The following PAAF1 variants were observed in gnomAD, a reference collection of about 807,000 sequenced individuals.
The protein encoded by PAAF1 is proteasomal ATPase-associated factor 1.
A neutral mutation model predicts 52.8 loss-of-function variants in PAAF1; 46 were observed. The ratio of observed to expected loss-of-function variants is 0.87; its 90% CI spans 0.69 to 1.11. PAAF1 has a LOEUF of 1.11. Ranked by LOEUF, PAAF1 falls within the 50% of genes most tolerant of loss-of-function variation. The pLI is 0.00. For synonymous variants in PAAF1, 178 were observed against 172.8 expected (o/e 1.03, Z -0.24); for missense variants, 424 against 477.4 (o/e 0.89, Z 1.04).
Position 73,900,261 on chromosome 11 carries a change from T to G in PAAF1, c.382-9T>G. 1 of 1,584,730 alleles carries G rather than the reference T, an allele frequency of 6.3e-7. No homozygotes were observed. The highest frequency in any genetic ancestry group is 8.6e-7 in the Non-Finnish European group (1 of 1,159,666). ...AGAACTAGCATGGAATTTTCTTTTG[T>G]TTTTCCAGAGAGTATTGGAAGGACA... On this transcript the variant is annotated splice_polypyrimidine_tract_variant and intron_variant, in intron 5 of 11. Coordinates refer to ENST00000310571, the MANE Select transcript of PAAF1 (RefSeq NM_025155.3).
chr11:73,918,060 T>G (rs1015157613), intron 9 of PAAF1, among the ~76,000 whole-genome samples: 1 of 152,074 alleles, frequency 6.6e-6, no homozygotes, highest in African/African-American at 2.4e-5. Flanking sequence ...TGAGAAACAT[T>G]GGGTCTTGTT....
In PAAF1 at chr11:73,889,320, T is replaced by G. The variant is rs893010896; in HGVS notation, c.193-1792T>G. The G allele has an allele frequency of 6.6e-6, 6 of 902,964 alleles. No individual in the cohort carries two copies. The Admixed American group carries it at 1.1e-4, about 16-fold the overall frequency. 55.9% of individuals were successfully genotyped at this position (902,964 alleles called of 1,614,324 possible). On this transcript the variant is annotated intron_variant, in intron 3 of 11. Transcript: ENST00000310571. ...ACTTTGCTAATTTGATATTGCTACATTGTTCTCTTAAACAGTAGATCTGTC... is the reference window on the plus strand; with the variant it reads ...ACTTTGCTAATTTGATATTGCTACAGTGTTCTCTTAAACAGTAGATCTGTC...
rs1277055043 is a variant in PAAF1 at position 73,924,693 on chromosome 11, AC to A, written c.1098del (p.Tyr366Ter). 3 of 1,613,764 alleles carry A rather than the reference AC, an allele frequency of 1.9e-6. No homozygotes were observed. Among genetic ancestry groups the A allele is most frequent in the Non-Finnish European group, 2.5e-6 (3 of 1,179,650 alleles). On this transcript the variant is annotated frameshift_variant, in exon 11 of 12. Transcript: ENST00000310571. LOFTEE classifies it high-confidence loss of function. The stretch of plus-strand genomic sequence containing the variant: ...ACTGGGGCTGACTGTGACCCTGTGT[AC>A]AAGGTACAGGCCTGAGACGACACCA... ...ELTGADCDPV[Y>X]KVATWEKQIY... is the part of the protein sequence containing the mutation.
chr11:73,927,324 G>A lies in PAAF1; in HGVS notation c.1141G>A (p.Asp381Asn), dbSNP rs761734273. 6.8e-6 allele frequency: 11 copies of A among 1,614,058 alleles called. No homozygotes were observed. The Admixed American group carries it at 1.8e-4, about 27-fold the overall frequency. ...WEKQIYTCCR[D>N]GLVRRYQLSD... ...GAAGCAGATCTACACATGCTGTCGA[G>A]ACGGTCTTGTACGACGCTACCAGCT... Residue 381 changes from aspartate (D) to asparagine (N), a missense_variant, in exon 12 of 12, where the codon GAC (aspartate) becomes AAC (asparagine). Asp to Asn is a conservative substitution (Grantham distance 23). Transcript: ENST00000310571.
intron 11 of PAAF1, among the ~76,000 whole-genome samples, chr11:73,925,827 A>G (rs1174871391): frequency 1.3e-5 from 2 of 152,218 alleles, no homozygotes; most frequent in Non-Finnish European, 2.9e-5. Flanking sequence ...AAGTTCAAAC[A>G]ATACAGAATG....
At chr11:73,898,208 G>GA in intron 4 of PAAF1, among the ~76,000 whole-genome samples, 1 of 144,468 alleles carries the variant, frequency 6.9e-6, no homozygotes, top group African/African-American at 2.5e-5. Flanking sequence ...GGGAGGGGGA[G>GA]GGGAAGGGGG....
At chr11:73,878,880 G>A in intron 2 of PAAF1, 61 bp downstream of exon 2, 1 of 1,510,112 alleles carries the variant, frequency 6.6e-7, no homozygotes, top group Non-Finnish European at 9.1e-7. Flanking sequence ...ACCCTTAAAA[G>A]AAAGCTTCCT....
Position 73,909,501 on chromosome 11 carries a change from G to C in PAAF1, c.635G>C (p.Gly212Ala), listed in dbSNP as rs751674448. 8.7e-5 allele frequency: 141 copies of C among 1,614,098 alleles called. No individual in the cohort carries two copies. The East Asian group carries it at 3.1e-3, about 35-fold the overall frequency. Residue 212 changes from glycine to alanine, a missense_variant, in exon 7 of 12, where the codon GGA (glycine) becomes GCA (alanine). Gly to Ala is a moderately conservative substitution (Grantham distance 60). Transcript: ENST00000310571. The part of the protein sequence containing the change: ...LWDCGRSACL[G>A]VLADCGSSIN... ...GATTGTGGGCGCTCAGCCTGCTTGGGAGTCCTTGCAGATTGTGGTTCTTCT... is the reference window on the plus strand; with the variant it reads ...GATTGTGGGCGCTCAGCCTGCTTGGCAGTCCTTGCAGATTGTGGTTCTTCT...
chr11:73,890,538 C>T (rs564941645), intron 3 of PAAF1, among the ~76,000 whole-genome samples: 2 of 152,164 alleles, frequency 1.3e-5, no homozygotes, highest in Non-Finnish European at 2.9e-5. Flanking sequence ...GAATAGGCAC[C>T]GTAAGCCTGA....
intron 6 of PAAF1, among the ~76,000 whole-genome samples, chr11:73,900,711 G>A (rs1324680303): frequency 6.6e-6 from 1 of 151,996 alleles, no homozygotes; most frequent in Non-Finnish European, 1.5e-5. Context: ...GGCCGGGCGC[G>A]GTGGCTCACG....
Position 73,927,197 on chromosome 11 carries a change from G to A in PAAF1, c.1102-88G>A, listed in dbSNP as rs146109459. 3.2e-6 allele frequency: 3 copies of A among 951,924 alleles called. No homozygotes were observed. In the East Asian group the frequency reaches 7.3e-5, roughly 23 times the overall value. 59.0% of individuals were successfully genotyped at this position (951,924 alleles called of 1,614,324 possible). A position where few individuals can be genotyped will look rare whatever the true frequency, so the allele number is the denominator to read the frequency against. ...TCATAAAGCCTTCTCAGACTCCATG[G>A]GACTAGTGTGTGTCAATCATAAGCC... On this transcript the variant is annotated intron_variant, in intron 11 of 11. Coordinates refer to ENST00000310571, the MANE Select transcript of PAAF1 (RefSeq NM_025155.3).
intron 6 of PAAF1, among the ~76,000 whole-genome samples, chr11:73,903,340 A>G (rs1007939002): frequency 1.3e-5 from 2 of 152,228 alleles, no homozygotes; most frequent in African/African-American, 2.4e-5. Context: ...GATAGATCTG[A>G]TAGCTTAGCA....
intron 3 of PAAF1, chr11:73,888,871 C>T (rs1009295659): frequency 7.0e-6 from 3 of 430,106 alleles, no homozygotes; most frequent in Non-Finnish European, 1.2e-5. Flanking sequence ...ATTCTACCTC[C>T]TAGAATGGTT....
intron 4 of PAAF1, among the ~76,000 whole-genome samples, chr11:73,897,216 G>C (rs1203108686): frequency 1.2e-4 from 15 of 124,110 alleles, no homozygotes; most frequent in Non-Finnish European, 1.8e-4. Context: ...GGACGGGGCG[G>C]CTGGCCGGGC....
At chr11:73,897,048 G>C (rs1324733472) in intron 4 of PAAF1, among the ~76,000 whole-genome samples, 4 of 133,840 alleles carry the variant, frequency 3.0e-5, no homozygotes, top group Non-Finnish European at 4.9e-5. Context: ...TCCCAGTAGG[G>C]GCGGCCGGGC....
intron 4 of PAAF1, among the ~76,000 whole-genome samples, chr11:73,896,246 T>C (rs1006353028): frequency 6.7e-6 from 1 of 149,874 alleles, no homozygotes; most frequent in Non-Finnish European, 1.5e-5. Context: ...TGTGGAAATA[T>C]CTGAACTCTT....
Position 73,921,701 on chromosome 11 carries a change from C to T in PAAF1, c.1018+2669C>T, listed in dbSNP as rs933176018. On this transcript the variant is annotated intron_variant, in intron 10 of 11. Transcript: ENST00000310571. ...GACTCTAGCATGAACTGTCTCTTCA[C>T]AAAACAAGTCCACCACTTGCAGCGT... 15 of 923,790 alleles carry T rather than the reference C, an allele frequency of 1.6e-5. No individual in the cohort carries two copies. In the South Asian group the frequency reaches 1.9e-4, roughly 12 times the overall value. The allele number at this position is 923,790 out of a possible 1,614,324, so 57.2% of individuals were successfully genotyped here.
intron 2 of PAAF1, chr11:73,887,097 A>AC: frequency 2.2e-6 from 1 of 454,984 alleles, no homozygotes; most frequent in South Asian, 1.7e-5. Context: ...AGTCTGCAGA[A>AC]CCGTGAGCCA....
intron 2 of PAAF1, among the ~76,000 whole-genome samples, chr11:73,886,267 G>A (rs948334948): frequency 1.3e-5 from 2 of 152,076 alleles, no homozygotes; most frequent in African/African-American, 4.8e-5. Context: ...CTTTCATCCT[G>A]GAAGAATTAC....
Sources: gnomAD v4.1 joint callset for allele counts (sites outside exome capture counted in the v4.1 genomes callset) on GRCh38, gnomAD v4.1.1 for gene constraint, MANE v1.5 for transcripts, NCBI Gene and HGNC (gene_info 2026-07-23, HGNC 2026-07-21) for gene names.